ATP2B1: variants seen among roughly 807,000 people sequenced by gnomAD.
The protein encoded by ATP2B1 is ATPase plasma membrane Ca2+ transporting 1.
A neutral mutation model predicts 124.2 loss-of-function variants in ATP2B1; 14 were observed. The observed-to-expected ratio is 0.11, with a 90% confidence interval of 0.07 to 0.18. The LOEUF is 0.18. Among genes scored for constraint, ATP2B1 ranks in the 10% least tolerant of loss-of-function variants. ATP2B1 has a pLI of 1.00. For synonymous variants in ATP2B1, 449 were observed against 492.4 expected, an observed-to-expected ratio of 0.91 and a Z score of 1.17; for missense variants, 763 against 1,466.1, an observed-to-expected ratio of 0.52 and a Z score of 7.83.
intron 1 of ATP2B1, among the ~76,000 whole-genome samples, chr12:89,706,910 T>C (rs1474763067): frequency 7.2e-5 from 11 of 152,160 alleles, no homozygotes; most frequent in Non-Finnish European, 4.4e-5. Flanking sequence ...CCACCCTTAA[T>C]TACAGCAATT....
chr12:89,608,116 T>G (rs951438635), intron 15 of ATP2B1, among the ~76,000 whole-genome samples: 1 of 151,986 alleles, frequency 6.6e-6, no homozygotes, highest in Non-Finnish European at 1.5e-5. Context: ...TTAACAAGAG[T>G]AGTTTCAAGT....
At position 89,603,405 on chromosome 12, in the gene ATP2B1, C is replaced by G. The variant is rs1163435559; in HGVS notation, c.2849-151G>C. ...AAACCTGGGATTATCTAGTACAACT[C>G]TCTTGTTTTATAGGCAAGGAAACAG... On this transcript the variant is annotated intron_variant, in intron 17 of 20. Transcript: ENST00000428670. The surrounding 1 kb of genome is among the most constrained non-coding windows in gnomAD (Gnocchi z 4.3). 4.3e-6 allele frequency: 3 copies of G among 701,048 alleles called. No individual in the cohort carries two copies. The highest frequency in any genetic ancestry group is 1.8e-5 in the African/African-American group (1 of 55,572). The allele number at this position is 701,048 out of a possible 1,614,324, so 43.4% of individuals were successfully genotyped here. A position where few individuals can be genotyped will look rare whatever the true frequency, so the allele number is the denominator to read the frequency against.
At chr12:89,596,183 T>C (rs998774823) in intron 20 of ATP2B1, among the ~76,000 whole-genome samples, 8 of 151,884 alleles carry the variant, frequency 5.3e-5, no homozygotes, top group African/African-American at 1.9e-4. Flanking sequence ...TCCCTCTAAA[T>C]GAAAAAAACA....
chr12:89,693,911 G>C (rs1348678668), intron 1 of ATP2B1, among the ~76,000 whole-genome samples: 3 of 152,110 alleles, frequency 2.0e-5, no homozygotes, highest in African/African-American at 7.2e-5. Context: ...AATAGCCTTA[G>C]GCTGGGAGAA....
chr12:89,691,167 C>A lies in ATP2B1; in HGVS notation c.-222+17429G>T, dbSNP rs1890514416. Among the ~76,000 whole-genome samples the A allele has an allele frequency of 2.6e-5, 4 of 152,020 alleles. No individual in the cohort carries two copies. In the South Asian group the frequency reaches 8.3e-4, roughly 32 times the overall value. On this transcript the variant is annotated intron_variant, in intron 1 of 20. Coordinates refer to ENST00000428670, the MANE Select transcript of ATP2B1 (RefSeq NM_001366521.1). Reference sequence around the variant, plus strand: ...TTTGGGCATGTAAACTGATTCATTTCTCTGTCTACAGGGAAAAAAAAATCA... The same window carrying A: ...TTTGGGCATGTAAACTGATTCATTTATCTGTCTACAGGGAAAAAAAAATCA...
chr12:89,695,776 T>C (rs776229658), intron 1 of ATP2B1, among the ~76,000 whole-genome samples: 1 of 152,216 alleles, frequency 6.6e-6, no homozygotes, highest in Non-Finnish European at 1.5e-5. Flanking sequence ...GTAAAGTCTA[T>C]CCTGCTCTTT....
chr12:89,609,827 C>T (rs1877653949), intron 15 of ATP2B1, 110 bp downstream of exon 15: 4 of 953,584 alleles, frequency 4.2e-6, no homozygotes, highest in Non-Finnish European at 6.3e-6. Flanking sequence ...TCGAACTAAT[C>T]TTGAGGGACA....
intron 3 of ATP2B1, among the ~76,000 whole-genome samples, chr12:89,640,108 G>A (rs1021641776): frequency 1.3e-4 from 20 of 151,910 alleles, no homozygotes; most frequent in Admixed American, 7.2e-4. Flanking sequence ...CATAGACCAC[G>A]GATACATATT....
At chr12:89,645,954 A>G (rs1303803165) in intron 2 of ATP2B1, among the ~76,000 whole-genome samples, 4 of 152,202 alleles carry the variant, frequency 2.6e-5, no homozygotes. Flanking sequence ...TAAAGTATAG[A>G]TGATGGTGCT....
In ATP2B1 at chr12:89,610,412, T is replaced by C. The variant is rs200516778; in HGVS notation, c.2335+9A>G. 6.2e-7 allele frequency: 1 copy of C among 1,608,244 alleles called. No homozygotes were observed. The highest frequency in any genetic ancestry group is 8.5e-7 in the Non-Finnish European group (1 of 1,176,884). On this transcript the variant is annotated intron_variant, in intron 14 of 20. Transcript: ENST00000428670. ...AAGAAATTGTGAAATAACTGAAAAA[T>C]CTACTTACCTTTAACCAGTGTATGC... is the stretch of plus-strand genomic sequence containing the variant.
intron 6 of ATP2B1, among the ~76,000 whole-genome samples, chr12:89,628,090 G>C (rs1016422794): frequency 6.6e-6 from 1 of 152,054 alleles, no homozygotes; most frequent in African/African-American, 2.4e-5. Flanking sequence ...AGAGAGGGAG[G>C]AGGAAGGGAT....
intron 1 of ATP2B1, among the ~76,000 whole-genome samples, chr12:89,677,983 C>T (rs371289540): frequency 0.11 from 9,458 of 84,214 alleles, 994 homozygotes; most frequent in South Asian, 0.23. Context: ...CACACACACA[C>T]ACACACACAC....
intron 1 of ATP2B1, among the ~76,000 whole-genome samples, chr12:89,698,457 C>A (rs767252339): frequency 3.9e-5 from 6 of 151,956 alleles, no homozygotes; most frequent in Non-Finnish European, 7.4e-5. Context: ...GAAAGCAGAT[C>A]GGGGCTGCCT....
intron 1 of ATP2B1, among the ~76,000 whole-genome samples, chr12:89,689,648 C>T (rs78764471): frequency 0.018 from 2,770 of 152,142 alleles, 71 homozygotes; most frequent in African/African-American, 0.062. Flanking sequence ...ATATTTAATA[C>T]GGCTTCTTAC....
chr12:89,607,787 A>G (rs993057857), intron 15 of ATP2B1, among the ~76,000 whole-genome samples: 1 of 152,172 alleles, frequency 6.6e-6, no homozygotes, highest in African/African-American at 2.4e-5. Context: ...CATGACAAGA[A>G]AAAGTCTGCA....
intron 12 of ATP2B1, among the ~76,000 whole-genome samples, chr12:89,615,902 C>T (rs182090972): frequency 6.6e-6 from 1 of 151,520 alleles, no homozygotes; most frequent in African/African-American, 2.4e-5. Flanking sequence ...TAAAAATCTG[C>T]CAAATAAGAG....
chr12:89,647,565 A>T (rs1884652498), intron 2 of ATP2B1, among the ~76,000 whole-genome samples: 1 of 152,244 alleles, frequency 6.6e-6, no homozygotes, highest in Non-Finnish European at 1.5e-5. Flanking sequence ...CGACAATCAC[A>T]GCTAACACAC....
chr12:89,606,984 C>A (rs1356819), intron 15 of ATP2B1, among the ~76,000 whole-genome samples: 142,822 of 152,192 alleles, frequency 0.94, 67,192 homozygotes, highest in East Asian at 0.99. Flanking sequence ...AAATCCTTAA[C>A]ATTTCTAAAA....
intron 7 of ATP2B1, 135 bp downstream of exon 7, chr12:89,627,541 GAA>G (rs1403414938): frequency 8.0e-6 from 7 of 872,454 alleles, no homozygotes; most frequent in Non-Finnish European, 1.1e-5. Context: ...CCGGCAGGAA[GAA>G]AGGTTAACCC....
Sources: gnomAD v4.1 joint callset for allele counts (sites outside exome capture counted in the v4.1 genomes callset) on GRCh38, gnomAD v4.1.1 for gene constraint, Gnocchi (gnomAD v3.1) non-coding constraint, MANE v1.5 for transcripts, NCBI Gene and HGNC (gene_info 2026-07-23, HGNC 2026-07-21) for gene names.